The following GPC5 variants were observed in gnomAD, a reference collection of about 807,000 sequenced individuals.
The protein encoded by GPC5 is glypican-5.
Under a neutral mutation model 53.9 loss-of-function variants are expected in GPC5, and 47 were observed. That is an observed-to-expected ratio of 0.87 (90% CI 0.69 to 1.11). GPC5 has a LOEUF of 1.11. GPC5 is among the 50% of genes most tolerant of loss of function. The probability of loss-of-function intolerance (pLI) is 0.00; values close to 1 mark genes in which losing one functional copy is unlikely to be tolerated. For synonymous variants in GPC5, 286 were observed against 263.3 expected (o/e 1.09, Z -0.84); for missense variants, 748 against 713.1 (o/e 1.05, Z -0.56).
chr13:92,407,149 G>A (rs527368126), intron 7 of GPC5, among the ~76,000 whole-genome samples: 4 of 152,248 alleles, frequency 2.6e-5, no homozygotes, highest in African/African-American at 9.6e-5. Flanking sequence ...TTGCAACAGG[G>A]AGACAGAAAA....
At chr13:92,485,708 G>A (rs1254619427) in intron 7 of GPC5, among the ~76,000 whole-genome samples, 1 of 152,178 alleles carries the variant, frequency 6.6e-6, no homozygotes, top group Non-Finnish European at 1.5e-5. Flanking sequence ...AGGCACGTTG[G>A]CACATGCCTG....
chr13:91,590,397 C>A (rs2032754112), intron 2 of GPC5, among the ~76,000 whole-genome samples: 1 of 152,048 alleles, frequency 6.6e-6, no homozygotes, highest in South Asian at 2.1e-4. Context: ...ATTTAGCAAT[C>A]CAACTGGAAA....
At chr13:92,514,982 T>A (rs78191590) in intron 7 of GPC5, among the ~76,000 whole-genome samples, 1 of 152,074 alleles carries the variant, frequency 6.6e-6, no homozygotes, top group Non-Finnish European at 1.5e-5. Flanking sequence ...CGCAGGGAGA[T>A]GACAGAACAT....
At chr13:91,914,927 C>T (rs775547020) in intron 6 of GPC5, among the ~76,000 whole-genome samples, 2 of 152,088 alleles carry the variant, frequency 1.3e-5, no homozygotes, top group South Asian at 4.1e-4. Context: ...ATAGACATAC[C>T]GAATGAGTTA....
At chr13:91,813,887 G>T (rs2138811602) in intron 5 of GPC5, among the ~76,000 whole-genome samples, 1 of 143,326 alleles carries the variant, frequency 7.0e-6, no homozygotes, top group Non-Finnish European at 1.5e-5. Flanking sequence ...GTTTTGATAA[G>T]ATAATATTTA....
At chr13:92,538,127 A>G (rs1881783883) in intron 7 of GPC5, among the ~76,000 whole-genome samples, 2 of 152,128 alleles carry the variant, frequency 1.3e-5, no homozygotes, top group Non-Finnish European at 2.9e-5. Flanking sequence ...AGACCAGGCT[A>G]ACTCACCAAA....
intron 6 of GPC5, among the ~76,000 whole-genome samples, chr13:92,076,037 A>G (rs1417328730): frequency 1.1e-4 from 17 of 152,058 alleles, no homozygotes; most frequent in Admixed American, 1.1e-3. Context: ...GTGAGATCAG[A>G]TAAACCATGT....
intron 6 of GPC5, among the ~76,000 whole-genome samples, chr13:92,070,124 A>G (rs965162752): frequency 2.6e-5 from 4 of 152,314 alleles, no homozygotes; most frequent in Admixed American, 2.6e-4. Flanking sequence ...GGAGAGGGCC[A>G]CAAATAAAGC....
chr13:92,754,079 G>C (rs1376089004), intron 7 of GPC5, among the ~76,000 whole-genome samples: 1 of 152,206 alleles, frequency 6.6e-6, no homozygotes. Flanking sequence ...CAGCCAGAGA[G>C]AAAGGTCGGG....
At chr13:91,797,294 G>A (rs1015718607) in intron 5 of GPC5, among the ~76,000 whole-genome samples, 1 of 152,040 alleles carries the variant, frequency 6.6e-6, no homozygotes, top group Non-Finnish European at 1.5e-5. Context: ...GGCAAATACC[G>A]TGTTAAAGTT....
intron 6 of GPC5, among the ~76,000 whole-genome samples, chr13:91,952,653 T>G: frequency 6.6e-6 from 1 of 152,096 alleles, no homozygotes; most frequent in East Asian, 1.9e-4. Flanking sequence ...GAATAGGTTT[T>G]AACAAATACA....
At chr13:91,541,489 A>T (rs9560823) in intron 2 of GPC5, among the ~76,000 whole-genome samples, 139,111 of 152,178 alleles carry the variant, frequency 0.91, 63,797 homozygotes, top group East Asian at 1. Context: ...TTGTCAAGTA[A>T]GTGCCAATAC....
intron 7 of GPC5, among the ~76,000 whole-genome samples, chr13:92,250,487 T>A (rs779058166): frequency 2.6e-5 from 4 of 152,112 alleles, no homozygotes; most frequent in Non-Finnish European, 5.9e-5. Flanking sequence ...AGAGTTCATG[T>A]ACGCCTTACC....
In GPC5 at chr13:92,597,648, C is replaced by G. The variant is rs114593401; in HGVS notation, c.1562-268634C>G. ...TTCCAAATAATGCCAAGGAAACAAA[C>G]TAGATAGCATTTTTAGTGTAGGCAT... On this transcript the variant is annotated intron_variant, in intron 7 of 7. Transcript: ENST00000377067. 1.7e-3 allele frequency among the ~76,000 whole-genome samples: 253 copies of G among 152,118 alleles called. 1 individual carries two copies. The highest frequency in any genetic ancestry group is 6.0e-3 in the African/African-American group (249 of 41,518).
chr13:92,856,411 T>C (rs145868564), intron 7 of GPC5, among the ~76,000 whole-genome samples: 60 of 152,168 alleles, frequency 3.9e-4, no homozygotes, highest in African/African-American at 1.3e-3. Context: ...AAGCTAGAAG[T>C]GTTTCCCTTA....
intron 3 of GPC5, among the ~76,000 whole-genome samples, chr13:91,704,735 C>T (rs2036061884): frequency 6.6e-6 from 1 of 152,196 alleles, no homozygotes; most frequent in Admixed American, 6.5e-5. Flanking sequence ...TTACATGATC[C>T]TCGGAGTAAG....
At chr13:91,476,028 A>G (rs886897984) in intron 2 of GPC5, among the ~76,000 whole-genome samples, 3 of 152,234 alleles carry the variant, frequency 2.0e-5, no homozygotes, top group African/African-American at 7.2e-5. Flanking sequence ...GCACTAAAAA[A>G]TAGGTCATGT....
At chr13:92,044,151 A>G (rs1455622601) in intron 6 of GPC5, among the ~76,000 whole-genome samples, 8 of 152,330 alleles carry the variant, frequency 5.3e-5, no homozygotes, top group African/African-American at 1.9e-4. Context: ...TTCCTGTACC[A>G]GAAAATCTAT....
chr13:92,047,489 C>T (rs955846079), intron 6 of GPC5, among the ~76,000 whole-genome samples: 11 of 150,626 alleles, frequency 7.3e-5, no homozygotes, highest in Admixed American at 1.3e-4. Flanking sequence ...CTTGTATCTC[C>T]CATATATTCT....
Sources: allele counts gnomAD v4.1 joint callset (sites outside exome capture counted in the v4.1 genomes callset), GRCh38; gene constraint gnomAD v4.1.1; transcripts MANE v1.5; gene names NCBI Gene and HGNC (gene_info 2026-07-23, HGNC 2026-07-21).